The following IL19 variants were observed in gnomAD, a reference collection of about 807,000 sequenced individuals.
IL19 encodes the protein interleukin-19.
In IL19, 15 loss-of-function variants were observed where a neutral mutation model predicts 19.5. That is an observed-to-expected ratio of 0.77 (90% CI 0.52 to 1.19). The LOEUF (loss-of-function observed/expected upper bound fraction) is 1.19, where lower values mean the gene tolerates loss of function less well. Ranked by LOEUF, IL19 falls within the 50% of genes most tolerant of loss-of-function variation. The probability of loss-of-function intolerance (pLI) is 0.00; values close to 1 mark genes in which losing one functional copy is unlikely to be tolerated. For missense variants in IL19, 199 were observed against 213.1 expected, an observed-to-expected ratio of 0.93 and a Z score of 0.41; for synonymous variants, 78 against 78.3, an observed-to-expected ratio of 1.00 and a Z score of 0.02.
intron 4 of IL19, among the ~76,000 whole-genome samples, chr1:206,839,065 C>G (rs1358299582): frequency 2.6e-5 from 4 of 152,244 alleles, no homozygotes; most frequent in Non-Finnish European, 5.9e-5. Flanking sequence ...AACAGTTAAT[C>G]TTCTGCAGAG....
chr1:206,790,633 T>A (rs1156301688), intron 1 of IL19, among the ~76,000 whole-genome samples: 3 of 152,134 alleles, frequency 2.0e-5, no homozygotes, highest in Non-Finnish European at 4.4e-5. Context: ...CTTGGTTTCT[T>A]TCATTTTGGT....
intron 4 of IL19, among the ~76,000 whole-genome samples, chr1:206,839,068 C>T (rs1017227872): frequency 6.6e-6 from 1 of 152,236 alleles, no homozygotes; most frequent in African/African-American, 2.4e-5. Flanking sequence ...AGTTAATCTT[C>T]TGCAGAGTAA....
At chr1:206,833,979 G>C in intron 2 of IL19, 9 of 985,590 alleles carry the variant, frequency 9.1e-6, no homozygotes, top group Non-Finnish European at 1.1e-5. Context: ...CTGCTGCAGG[G>C]TGTGGCTGAT....
chr1:206,797,850 C>T (rs929761106), intron 1 of IL19, among the ~76,000 whole-genome samples: 2 of 152,186 alleles, frequency 1.3e-5, no homozygotes, highest in African/African-American at 4.8e-5. Flanking sequence ...TCTTTCTCCA[C>T]GTGACTATGA....
intron 4 of IL19, among the ~76,000 whole-genome samples, chr1:206,837,674 C>G (rs2243196): frequency 6.6e-6 from 1 of 152,002 alleles, no homozygotes; most frequent in Admixed American, 6.6e-5. Context: ...CATAGCATGA[C>G]CTCGTCTCTA....
At chr1:206,802,121 C>A (rs955918794) in intron 2 of IL19, among the ~76,000 whole-genome samples, 1 of 152,150 alleles carries the variant, frequency 6.6e-6, no homozygotes, top group Admixed American at 6.5e-5. Flanking sequence ...CAGGCCTTTG[C>A]AGAAACTTGA....
chr1:206,826,133 G>A (rs1383676993), intron 2 of IL19, among the ~76,000 whole-genome samples: 1 of 152,196 alleles, frequency 6.6e-6, no homozygotes, highest in South Asian at 2.1e-4. Flanking sequence ...AGTCCTCAAG[G>A]GCTGAGGGGA....
chr1:206,799,043 G>A, intron 2 of IL19, 37 bp downstream of exon 2: 1 of 1,363,518 alleles, frequency 7.3e-7, no homozygotes, highest in Non-Finnish European at 1.0e-6. Context: ...TGGATGTGGA[G>A]CCATTCTCTG....
At chr1:206,811,324 G>C (rs984016771) in intron 2 of IL19, among the ~76,000 whole-genome samples, 5 of 151,762 alleles carry the variant, frequency 3.3e-5, no homozygotes, top group Non-Finnish European at 1.5e-5. Flanking sequence ...GGAAACTGTA[G>C]TCCCAGCTAC....
chr1:206,841,502 G>A (rs916842649), intron 6 of IL19, among the ~76,000 whole-genome samples: 6 of 152,214 alleles, frequency 3.9e-5, no homozygotes, highest in Non-Finnish European at 8.8e-5. Flanking sequence ...TCATGTTGAT[G>A]TTGGTGTAAA....
chr1:206,829,867 C>G (rs1313235730), intron 2 of IL19, among the ~76,000 whole-genome samples: 3 of 152,010 alleles, frequency 2.0e-5, no homozygotes, highest in African/African-American at 4.8e-5. Flanking sequence ...GACCAAGATC[C>G]CTGTGGGCAA....
At chr1:206,789,564 A>C (rs940710531) in intron 1 of IL19, among the ~76,000 whole-genome samples, 2 of 151,722 alleles carry the variant, frequency 1.3e-5, no homozygotes, top group African/African-American at 2.4e-5. Flanking sequence ...TATATGCCAT[A>C]TTTTCTTTTT....
chr1:206,819,242 T>G (rs911123151), intron 2 of IL19, among the ~76,000 whole-genome samples: 3 of 152,140 alleles, frequency 2.0e-5, no homozygotes, highest in Non-Finnish European at 2.9e-5. Context: ...TTCAATATAA[T>G]AACCTACTAG....
chr1:206,840,938 G>A, intron 5 of IL19, 66 bp from the exon 6 acceptor site: 1 of 1,288,868 alleles, frequency 7.8e-7, no homozygotes, highest in South Asian at 1.2e-5. Flanking sequence ...CATGTGGGGA[G>A]GCAGGAGTAA....
chr1:206,772,654 C>T (rs1161644683), intron 1 of IL19, among the ~76,000 whole-genome samples: 4 of 152,110 alleles, frequency 2.6e-5, no homozygotes, highest in Non-Finnish European at 5.9e-5. Context: ...ATTTTTGCAT[C>T]GTAAGCAAAA....
intron 2 of IL19, chr1:206,833,756 C>A (rs1676689860): frequency 1.2e-5 from 12 of 985,458 alleles, no homozygotes; most frequent in Non-Finnish European, 1.4e-5. Context: ...ATGAGAGAAC[C>A]CTCCAGGGGA....
rs902618058 is a variant in IL19 at position 206,827,456 on chromosome 1, C to T, written c.-2-9205C>T. On this transcript the variant is annotated intron_variant, in intron 2 of 6. Transcript: ENST00000659997. ...CTGTAATCCCAGCACTTTGGGAGGTCGAGGAGGGCGGATCACGAGGTCAGG... is the reference window on the plus strand; with the variant it reads ...CTGTAATCCCAGCACTTTGGGAGGTTGAGGAGGGCGGATCACGAGGTCAGG... 3.9e-5 allele frequency among the ~76,000 whole-genome samples: 6 copies of T among 152,022 alleles called. No homozygotes were observed. The South Asian group carries it at 6.2e-4, about 16-fold the overall frequency.
chr1:206,817,306 C>T (rs749708906), intron 2 of IL19, among the ~76,000 whole-genome samples: 1 of 152,186 alleles, frequency 6.6e-6, no homozygotes, highest in African/African-American at 2.4e-5. Flanking sequence ...CAGAATCTAC[C>T]CCCTGAACTT....
chr1:206,778,370 A>G (rs1675057672), intron 1 of IL19, among the ~76,000 whole-genome samples: 1 of 152,196 alleles, frequency 6.6e-6, no homozygotes, highest in Non-Finnish European at 1.5e-5. Flanking sequence ...CCAGAGGACC[A>G]TAGTTGTTTC....
Sources: gnomAD v4.1 joint callset for allele counts (sites outside exome capture counted in the v4.1 genomes callset) on GRCh38, gnomAD v4.1.1 for gene constraint, MANE v1.5 for transcripts, NCBI Gene and HGNC (gene_info 2026-07-23, HGNC 2026-07-21) for gene names.